LSR: variants seen among roughly 807,000 people sequenced by gnomAD.
LSR encodes the protein lipolysis-stimulated lipoprotein receptor.
Under a neutral mutation model 61.8 loss-of-function variants are expected in LSR, and 44 were observed. The observed-to-expected ratio is 0.71, with a 90% CI of 0.56 to 0.91. The LOEUF is 0.91. Among genes scored for constraint, LSR ranks in the 40% least tolerant of loss-of-function variants. The pLI, the probability that LSR is intolerant of heterozygous loss-of-function variation, is 0.00. For missense variants in LSR, 911 were observed against 830.5 expected (o/e 1.10, Z -1.19); for synonymous variants, 397 against 350.6 (o/e 1.13, Z -1.48).
At position 35,262,093 on chromosome 19, in the gene LSR, C is replaced by T. The variant is rs151301753; in HGVS notation, c.631+112C>T. 345 of 994,368 alleles carry T rather than the reference C, an allele frequency of 3.5e-4. 1 individual carries two copies. In the African/African-American group the frequency reaches 5.2e-3, roughly 15 times the overall value. The allele number at this position is 994,368 out of a possible 1,614,324, so 61.6% of individuals were successfully genotyped here. ...CACTAAACCCTGCTCACTGTGGACC[C>T]CTCACTAACCTGGCCTGACTGTGGC... On this transcript the variant is annotated intron_variant, in intron 4 of 9. Coordinates refer to ENST00000605618, the MANE Select transcript of LSR (RefSeq NM_205834.4).
chr19:35,265,038 G>A (rs2065978846), intron 5 of LSR, among the ~76,000 whole-genome samples: 1 of 152,082 alleles, frequency 6.6e-6, no homozygotes, highest in Admixed American at 6.6e-5. Context: ...GAAGTCGCTG[G>A]CTAATTTTAT....
chr19:35,267,031 AC>A, intron 8 of LSR, 64 bp downstream of exon 8: 1 of 1,563,982 alleles, frequency 6.4e-7, no homozygotes, highest in South Asian at 1.2e-5. Context: ...TCTCCCTGAT[AC>A]CTGCCGCAGG....
intron 2 of LSR, among the ~76,000 whole-genome samples, chr19:35,252,231 ATCGACTATGTG>A (rs113036260): frequency 3.3e-5 from 5 of 152,278 alleles, no homozygotes; most frequent in African/African-American, 1.2e-4. Flanking sequence ...TTTATCAAGC[ATCGACTATGTG>A]TCGTTGGTGC....
intron 3 of LSR, chr19:35,259,269 A>G (rs2065895086): frequency 1.9e-6 from 1 of 522,394 alleles, no homozygotes; most frequent in East Asian, 3.6e-5. Context: ...AGTGCCTCCA[A>G]TCACCCAAGC....
At chr19:35,255,896 G>T (rs2853336) in intron 2 of LSR, among the ~76,000 whole-genome samples, 1 of 151,928 alleles carries the variant, frequency 6.6e-6, no homozygotes, top group East Asian at 1.9e-4. Context: ...TAACTCAAAG[G>T]TTCCGGGCTT....
At position 35,267,599 on chromosome 19, in the gene LSR, G is replaced by C; in HGVS notation, c.1635G>C (p.Glu545Asp). 1.9e-6 allele frequency: 3 copies of C among 1,612,368 alleles called. No individual in the cohort carries two copies. The highest frequency in any genetic ancestry group is 2.5e-6 in the Non-Finnish European group (3 of 1,179,718). ...CCTATGATGGGCGGCTACTGGAGGA[G>C]GCTGTGAGGAAGAAGGGGTCGGAGG... ...DLPYDGRLLE[E>D]AVRKKGSEER... Residue 545 changes from glutamate to aspartate, a missense_variant, in exon 9 of 10, where the codon GAG (glutamate) becomes GAC (aspartate). Physicochemically the swap from Glu to Asp is conservative, Grantham distance 45. Coordinates refer to ENST00000605618, the MANE Select transcript of LSR (RefSeq NM_205834.4).
Position 35,249,132 on chromosome 19 carries a change from G to A in LSR, c.109+1G>A. The A allele has an allele frequency of 2.0e-6, 3 of 1,536,304 alleles. No homozygotes were observed. Among genetic ancestry groups the A allele is most frequent in the Non-Finnish European group, 2.6e-6 (3 of 1,144,352 alleles). On this transcript the variant is annotated splice_donor_variant, in intron 1 of 9. Coordinates refer to ENST00000605618, the MANE Select transcript of LSR (RefSeq NM_205834.4). LOFTEE classifies it high-confidence loss of function. ...CTTCTGCTTAGCACCTGGTGCACAG[G>A]TACGGGGCACGGGGCCTCTGACGCT...
chr19:35,252,982 C>T (rs1337525937), intron 2 of LSR, among the ~76,000 whole-genome samples: 36 of 152,078 alleles, frequency 2.4e-4, no homozygotes, highest in Non-Finnish European at 8.8e-5. Context: ...GATCGTGCCA[C>T]TGCATTCCAG....
At chr19:35,267,781 C>A (rs769404538) in intron 9 of LSR, 43 bp from the exon 10 acceptor site, 2 of 1,613,822 alleles carry the variant, frequency 1.2e-6, no homozygotes, top group South Asian at 2.2e-5. Flanking sequence ...GGGCCCCCAG[C>A]CGGTCCCCGC....
At chr19:35,255,299 G>A (rs536064841) in intron 2 of LSR, among the ~76,000 whole-genome samples, 8 of 152,082 alleles carry the variant, frequency 5.3e-5, no homozygotes, top group Non-Finnish European at 1.2e-4. Flanking sequence ...CAGCCTGGGC[G>A]ACCAAGCTAG....
chr19:35,258,501 C>G (rs987049994), intron 2 of LSR, among the ~76,000 whole-genome samples: 1 of 151,276 alleles, frequency 6.6e-6, no homozygotes, highest in African/African-American at 2.4e-5. Context: ...GTAGTCCTAA[C>G]TACTCAGGTG....
chr19:35,260,952 A>C (rs1219045418), intron 3 of LSR, among the ~76,000 whole-genome samples: 3 of 152,184 alleles, frequency 2.0e-5, no homozygotes, highest in Admixed American at 6.5e-5. Flanking sequence ...AAGGCAAATA[A>C]CATCTTAGTG....
chr19:35,262,601 G>C lies in LSR; in HGVS notation c.687G>C (p.Leu229=). The C allele has an allele frequency of 6.2e-7, 1 of 1,614,176 alleles. No individual in the cohort carries two copies. The highest frequency in any genetic ancestry group is 8.5e-7 in the Non-Finnish European group (1 of 1,180,028). ...CLAAFLIFLL[L]GICWCQCCPH... ...CTGCCTTCCTCATCTTCCTCCTCCT[G>C]GGCATCTGCTGGTGCCAGTGCTGCC... The change falls in exon 5 of 10, where the codon CTG becomes CTC. Residue 229 remains leucine, a synonymous_variant. Transcript: ENST00000605618.
chr19:35,267,242 G>A lies in LSR; in HGVS notation c.1278G>A (p.Glu426=), dbSNP rs2066022190. ...GGAGTCCCAGGGGATGGGACCAGGA[G>A]CCCGCCAGGGAGCAGGCAGGCGGGG... The part of the protein sequence containing the change: ...SPRSPRGWDQ[E]PAREQAGGGW... Residue 426 remains glutamate, a synonymous_variant, in exon 9 of 10, where the codon GAG becomes GAA. Coordinates refer to ENST00000605618, the MANE Select transcript of LSR (RefSeq NM_205834.4). 6.5e-7 allele frequency: 1 copy of A among 1,531,788 alleles called. No homozygotes were observed. Among genetic ancestry groups the A allele is most frequent in the African/African-American group, 1.4e-5 (1 of 72,292 alleles). 94.9% of individuals were successfully genotyped at this position (1,531,788 alleles called of 1,614,324 possible).
rs2066051391 is a variant in LSR at position 35,267,918 on chromosome 19, A to G, written c.*59A>G. The G allele has an allele frequency of 6.4e-7, 1 of 1,568,634 alleles. No homozygotes were observed. Among genetic ancestry groups the G allele is most frequent in the African/African-American group, 1.4e-5 (1 of 73,666 alleles). ...TTTTTAATTTGAAGGAACACTGATG[A>G]AGCCCTGCCATACCCCTCCCGAGTC... On this transcript the variant is annotated 3_prime_UTR_variant, in exon 10 of 10. Transcript: ENST00000605618.
Position 35,250,389 on chromosome 19 carries a change from C to T in LSR, c.184C>T (p.Pro62Ser), listed in dbSNP as rs564575842. ...VVILFQPVTL[P>S]CTYQMTSTPT... is the part of the protein sequence containing the mutation. ...GATCCTCTTCCAGCCTGTGACCCTGCCCTGTACCTACCAGATGACCTCGAC... is the reference window on the plus strand; with the variant it reads ...GATCCTCTTCCAGCCTGTGACCCTGTCCTGTACCTACCAGATGACCTCGAC... The change falls in exon 2 of 10, where the codon CCC becomes TCC. Residue 62 changes from proline (P) to serine (S), a missense_variant. Transcript: ENST00000605618. The T allele has an allele frequency of 1.2e-5, 20 of 1,611,770 alleles. No individual in the cohort carries two copies. Among genetic ancestry groups the T allele is most frequent in the African/African-American group, 6.7e-5 (5 of 74,976 alleles).
In LSR at chr19:35,267,244, C is replaced by T; in HGVS notation, c.1280C>T (p.Pro427Leu). The T allele has an allele frequency of 4.6e-6, 7 of 1,532,728 alleles. No homozygotes were observed. The highest frequency in any genetic ancestry group is 6.1e-6 in the Non-Finnish European group (7 of 1,142,556). 94.9% of individuals were successfully genotyped at this position (1,532,728 alleles called of 1,614,324 possible). The change falls in exon 9 of 10, where the codon CCC becomes CTC. Residue 427 changes from proline to leucine, a missense_variant. Transcript: ENST00000605618. ...PRSPRGWDQE[P>L]AREQAGGGWR... Reference sequence around the variant, plus strand: ...AGTCCCAGGGGATGGGACCAGGAGCCCGCCAGGGAGCAGGCAGGCGGGGGC... The same window carrying T: ...AGTCCCAGGGGATGGGACCAGGAGCTCGCCAGGGAGCAGGCAGGCGGGGGC...
intron 3 of LSR, chr19:35,259,347 C>T (rs1003689304): frequency 1.4e-5 from 4 of 283,698 alleles, no homozygotes; most frequent in African/African-American, 6.8e-5. Context: ...TAAAAAAAAT[C>T]CAGACTTGGG....
At chr19:35,261,731 G>C (rs923441674) in intron 3 of LSR, among the ~76,000 whole-genome samples, 194 bp from the exon 4 acceptor site, 1 of 152,224 alleles carries the variant, frequency 6.6e-6, no homozygotes, top group African/African-American at 2.4e-5. Flanking sequence ...ATTATGCAAT[G>C]GGAGTTTCTT....
Sources: allele counts gnomAD v4.1 joint callset (sites outside exome capture counted in the v4.1 genomes callset), GRCh38; gene constraint gnomAD v4.1.1; transcripts MANE v1.5; gene names NCBI Gene and HGNC (gene_info 2026-07-23, HGNC 2026-07-21).